Variants in FKBP15 observed in about 807,000 individuals in gnomAD.
FKBP15 encodes the protein FKBP prolyl isomerase family member 15.
Under a neutral mutation model 158.1 loss-of-function variants are expected in FKBP15, and 106 were observed. The ratio of observed to expected loss-of-function variants is 0.67; its 90% CI spans 0.57 to 0.79. FKBP15 has a LOEUF of 0.79. Ranked by LOEUF, FKBP15 falls within the 30% of genes least tolerant of loss-of-function variation. The pLI is 0.00. For synonymous variants in FKBP15, 547 were observed against 548.6 expected, an observed-to-expected ratio of 1.00 and a Z score of 0.04; for missense variants, 1,287 against 1,479.1, an observed-to-expected ratio of 0.87 and a Z score of 2.13.
At chr9:113,188,827 A>C (rs567502540) in intron 12 of FKBP15, among the ~76,000 whole-genome samples, 1 of 152,222 alleles carries the variant, frequency 6.6e-6, no homozygotes, top group Non-Finnish European at 1.5e-5. Context: ...AACTGCCTTA[A>C]GACAAATCTA....
At chr9:113,166,861 C>T (rs12352536) in intron 27 of FKBP15, among the ~76,000 whole-genome samples, 7,680 of 152,238 alleles carry the variant, frequency 0.05, 238 homozygotes, top group South Asian at 0.13. Context: ...GGCAAGGGAA[C>T]AGGACCTACC....
In FKBP15 at chr9:113,162,199, C is replaced by T; in HGVS notation, c.*3879G>A. The T allele has an allele frequency of 3.5e-6, 1 of 283,400 alleles. No homozygotes were observed. Among genetic ancestry groups the T allele is most frequent in the Non-Finnish European group, 6.8e-6 (1 of 146,198 alleles). 17.6% of individuals were successfully genotyped at this position (283,400 alleles called of 1,614,324 possible). A position where few individuals can be genotyped will look rare whatever the true frequency, so the allele number is the denominator to read the frequency against. On this transcript the variant is annotated 3_prime_UTR_variant, in exon 28 of 28. Transcript: ENST00000238256. The stretch of plus-strand genomic sequence containing the variant: ...GCCTCACCTGTGCTTAATAAGCCTG[C>T]CCGCTCCATCACTAGCCACCCTACA...
At position 113,163,280 on chromosome 9, in the gene FKBP15, G is replaced by T. The variant is rs1337991785; in HGVS notation, c.*2798C>A. On this transcript the variant is annotated 3_prime_UTR_variant, in exon 28 of 28. Coordinates refer to ENST00000238256, the MANE Select transcript of FKBP15 (RefSeq NM_015258.2). ...GCCAGGGAGAAGGGTTCTTGGTGAT[G>T]CAGGGCATGGAACCTGGACACCCTC... 1 of 163,856 alleles carries T rather than the reference G, an allele frequency of 6.1e-6. No individual in the cohort carries two copies. The highest frequency in any genetic ancestry group is 2.4e-5 in the African/African-American group (1 of 41,828). The allele number at this position is 163,856 out of a possible 1,614,324, so 10.2% of individuals were successfully genotyped here.
At chr9:113,211,957 T>C (rs1238452605) in intron 1 of FKBP15, among the ~76,000 whole-genome samples, 1 of 152,176 alleles carries the variant, frequency 6.6e-6, no homozygotes, top group Non-Finnish European at 1.5e-5. Flanking sequence ...AACTGTAAAT[T>C]CTTGCTTTTA....
chr9:113,197,035 C>T lies in FKBP15; in HGVS notation c.761G>A (p.Arg254Gln), dbSNP rs747772216. The T allele has an allele frequency of 2.2e-5, 35 of 1,613,792 alleles. No individual in the cohort carries two copies. The highest frequency in any genetic ancestry group is 2.2e-5 in the Non-Finnish European group (26 of 1,179,850). The part of the protein sequence containing the change: ...GMLGMKKGGK[R>Q]LLIVPPACAV... ...ACAGGCTGGAGGGACAATAAGCAAT[C>T]GCTTTCCTCCTTTTTTCATGCCCAG... is the stretch of plus-strand genomic sequence containing the variant. Residue 254 changes from arginine to glutamine, a missense_variant, in exon 9 of 28, where the codon CGA (arginine) becomes CAA (glutamine). Arg to Gln is a conservative substitution (Grantham distance 43). Transcript: ENST00000238256.
In FKBP15 at chr9:113,197,056, C is replaced by G; in HGVS notation, c.740G>C (p.Gly247Ala). 6.2e-7 allele frequency: 1 copy of G among 1,613,812 alleles called. No individual in the cohort carries two copies. The highest frequency in any genetic ancestry group is 8.5e-7 in the Non-Finnish European group (1 of 1,179,772). Residue 247 changes from glycine (G) to alanine (A), a missense_variant, in exon 9 of 28, where the codon GGC (glycine) becomes GCC (alanine). Transcript: ENST00000238256. ...VIKGWEDGML[G>A]MKKGGKRLLI... ...CAATCGCTTTCCTCCTTTTTTCATGCCCAGCATTCCATCCTCCCAGCCCTT... is the reference window on the plus strand; with the variant it reads ...CAATCGCTTTCCTCCTTTTTTCATGGCCAGCATTCCATCCTCCCAGCCCTT...
At chr9:113,207,413 C>T (rs914142637) in intron 2 of FKBP15, 117 bp from the exon 3 acceptor site, 2 of 682,134 alleles carry the variant, frequency 2.9e-6, no homozygotes, top group Non-Finnish European at 5.0e-6. Flanking sequence ...GATCTCGGTT[C>T]ACTGCAACCT....
chr9:113,169,986 G>A, intron 25 of FKBP15, 44 bp from the exon 26 acceptor site: 1 of 1,489,980 alleles, frequency 6.7e-7, no homozygotes, highest in Non-Finnish European at 8.9e-7. Context: ...AAGGAACACA[G>A]TAGCCACTCC....
chr9:113,216,351 T>C (rs1831134784), intron 1 of FKBP15, among the ~76,000 whole-genome samples: 1 of 152,228 alleles, frequency 6.6e-6, no homozygotes. Flanking sequence ...AAATAAATTT[T>C]ATATGACTTG....
chr9:113,176,399 GA>G, intron 21 of FKBP15, 137 bp downstream of exon 21: 1 of 987,336 alleles, frequency 1.0e-6, no homozygotes, highest in Non-Finnish European at 1.4e-6. Context: ...TTAGAGCGGG[GA>G]AAATTTTTTT....
chr9:113,163,117 T>G lies in FKBP15; in HGVS notation c.*2961A>C. On this transcript the variant is annotated 3_prime_UTR_variant, in exon 28 of 28. Transcript: ENST00000238256. Reference sequence around the variant, plus strand: ...AACCTTCCTTCTCAGCCAGCCTACGTAGGGCCCAGGCATGGTCTTGTGTCT... The same window carrying G: ...AACCTTCCTTCTCAGCCAGCCTACGGAGGGCCCAGGCATGGTCTTGTGTCT... 1 of 488,260 alleles carries G rather than the reference T, an allele frequency of 2.0e-6. No individual in the cohort carries two copies. Among genetic ancestry groups the G allele is most frequent in the Non-Finnish European group, 3.6e-6 (1 of 276,396 alleles). The allele number at this position is 488,260 out of a possible 1,614,324, so 30.2% of individuals were successfully genotyped here.
chr9:113,196,987 A>C lies in FKBP15; in HGVS notation c.809T>G (p.Ile270Arg). 6.2e-7 allele frequency: 1 copy of C among 1,613,976 alleles called. No homozygotes were observed. The highest frequency in any genetic ancestry group is 1.1e-5 in the South Asian group (1 of 91,076). Residue 270 changes from isoleucine to arginine, a missense_variant, in exon 9 of 28, where the codon ATA (isoleucine) becomes AGA (arginine). Ile to Arg is a moderately conservative substitution (Grantham distance 97, BLOSUM62 -3). Transcript: ENST00000238256. ...CGAGTCCGTTGCTTGAGTCCAGCCT[A>C]TTACCCCTTCTGAGCCAACAGCACA... ...PACAVGSEGV[I>R]GWTQATDSIL...
chr9:113,193,755 T>A (rs1246184388), intron 10 of FKBP15, among the ~76,000 whole-genome samples: 1 of 152,204 alleles, frequency 6.6e-6, no homozygotes, highest in Non-Finnish European at 1.5e-5. Flanking sequence ...ATTTACATTT[T>A]TTCCATGAGT....
At chr9:113,192,789 A>T (rs1203590303) in intron 11 of FKBP15, among the ~76,000 whole-genome samples, 1 of 152,228 alleles carries the variant, frequency 6.6e-6, no homozygotes, top group Non-Finnish European at 1.5e-5. Context: ...TCCATTTTAC[A>T]CATGAGGAAA....
At chr9:113,166,231 A>G (rs1211208123) in intron 27 of FKBP15, 76 bp from the exon 28 acceptor site, 15 of 1,315,302 alleles carry the variant, frequency 1.1e-5, no homozygotes, top group Non-Finnish European at 1.6e-5. Flanking sequence ...AGTGGAAGCA[A>G]TCCAACTTCT....
chr9:113,208,967 A>T (rs1359810362), intron 2 of FKBP15, among the ~76,000 whole-genome samples: 1 of 143,466 alleles, frequency 7.0e-6, no homozygotes, highest in Non-Finnish European at 1.5e-5. Flanking sequence ...AGATCATGCC[A>T]CCGCACTCCA....
At chr9:113,181,816 T>C (rs1420106819) in intron 19 of FKBP15, among the ~76,000 whole-genome samples, 1 of 152,100 alleles carries the variant, frequency 6.6e-6, no homozygotes, top group Non-Finnish European at 1.5e-5. Flanking sequence ...AAAGTACATT[T>C]AGTGGGTGGG....
Position 113,173,548 on chromosome 9 carries a change from A to G in FKBP15, c.2437T>C (p.Leu813=). The change falls in exon 23 of 28, where the codon TTG becomes CTG. Residue 813 remains leucine, a synonymous_variant. Coordinates refer to ENST00000238256, the MANE Select transcript of FKBP15 (RefSeq NM_015258.2). ...AGGTGCTCATCCTTGGCGGAGGCCAACAAATGTTCACATTTTGCTTCCCAC... is the reference window on the plus strand; with the variant it reads ...AGGTGCTCATCCTTGGCGGAGGCCAGCAAATGTTCACATTTTGCTTCCCAC... ...TQWEAKCEHL[L]ASAKDEHLQQ... is the part of the protein sequence containing the mutation. 1 of 1,614,002 alleles carries G rather than the reference A, an allele frequency of 6.2e-7. No individual in the cohort carries two copies. The highest frequency in any genetic ancestry group is 8.5e-7 in the Non-Finnish European group (1 of 1,179,896).
chr9:113,195,145 A>T lies in FKBP15; in HGVS notation c.865-976T>A, dbSNP rs141866905. ...GGGAGTTATTTATATCCTACTGCTC[A>T]AGGTCATCACCAAGGTCTGATTTTT... On this transcript the variant is annotated intron_variant, in intron 9 of 27. Transcript: ENST00000238256. Among the ~76,000 whole-genome samples, 92 of 152,294 alleles carry T rather than the reference A, an allele frequency of 6.0e-4. 1 individual carries two copies. Among genetic ancestry groups the T allele is most frequent in the African/African-American group, 2.2e-3 (90 of 41,556 alleles).
Sources: allele counts gnomAD v4.1 joint callset (sites outside exome capture counted in the v4.1 genomes callset), GRCh38; gene constraint gnomAD v4.1.1; transcripts MANE v1.5; gene names NCBI Gene and HGNC (gene_info 2026-07-23, HGNC 2026-07-21).